SLC6A12: variants seen among roughly 807,000 people sequenced by gnomAD.
The protein encoded by SLC6A12 is solute carrier family 6 member 12, also known as sodium- and chloride-dependent betaine transporter.
SLC6A12 carries 50 observed loss-of-function variants against 73.3 expected under a neutral mutation model. That is an observed-to-expected ratio of 0.68 (90% confidence interval 0.54 to 0.86). The LOEUF is 0.86. Among genes scored for constraint, SLC6A12 ranks in the 40% least tolerant of loss-of-function variants. SLC6A12 has a pLI of 0.00. For missense variants in SLC6A12, 648 were observed against 772.8 expected (o/e 0.84, Z 1.92); for synonymous variants, 304 against 309.2 (o/e 0.98, Z 0.18).
chr12:187,483 C>T (rs532736574), downstream of SLC6A12, among the ~76,000 whole-genome samples: 27 of 151,428 alleles, frequency 1.8e-4, no homozygotes, highest in African/African-American at 3.4e-4. Flanking sequence ...TCAGTGGTCT[C>T]GCTGGTTTCA....
chr12:197,349 AG>A, intron 10 of SLC6A12, 27 bp downstream of exon 10: 2 of 1,601,034 alleles, frequency 1.2e-6, no homozygotes, highest in Non-Finnish European at 1.7e-6. Context: ...CCTTCCCCTC[AG>A]GCCCCAGACA....
downstream of SLC6A12, among the ~76,000 whole-genome samples, chr12:188,725 A>G (rs1022800729): frequency 6.6e-6 from 1 of 152,104 alleles, no homozygotes; most frequent in African/African-American, 2.4e-5. Flanking sequence ...ACACACAGGC[A>G]CACACACACA....
rs769761597 is a variant in SLC6A12 at position 201,782 on chromosome 12, T to C, written c.558A>G (p.Ser186=). The C allele has an allele frequency of 1.2e-6, 2 of 1,613,822 alleles. No individual in the cohort carries two copies. Among genetic ancestry groups the C allele is most frequent in the Non-Finnish European group, 1.7e-6 (2 of 1,179,876 alleles). ...GTVTPFENFT[S]PVMEFWERRV... ...CCTACTCCCAGAATTCCATGACAGG[T>C]GAGGTAAAATTCTCAAATGGGGTCA... Residue 186 remains serine (S), a synonymous_variant, in exon 6 of 16, where the codon TCA becomes TCG. Transcript: ENST00000684302.
In SLC6A12 at chr12:193,301, G is replaced by A. The variant is rs1332565157; in HGVS notation, c.1506C>T (p.Leu502=). The A allele has an allele frequency of 6.2e-7, 1 of 1,613,864 alleles. No homozygotes were observed. The highest frequency in any genetic ancestry group is 1.3e-5 in the African/African-American group (1 of 75,032). ...RPWPLVKISW[L]FLTPGLCLAT... is the part of the protein sequence containing the mutation. ...CCAGGCAAAGTCCAGGGGTCAGGAAGAGCCAGGAGATCTTCACCAGGGGCC... is the reference window on the plus strand; with the variant it reads ...CCAGGCAAAGTCCAGGGGTCAGGAAAAGCCAGGAGATCTTCACCAGGGGCC... Residue 502 remains leucine, a synonymous_variant, in exon 14 of 16, where the codon CTC becomes CTT. Coordinates refer to ENST00000684302, the MANE Select transcript of SLC6A12 (RefSeq NM_001122848.3).
At chr12:186,237 C>T (rs751509104), downstream of SLC6A12, among the ~76,000 whole-genome samples, 56 of 152,168 alleles carry the variant, frequency 3.7e-4, 1 homozygote, top group Non-Finnish European at 6.9e-4. Flanking sequence ...CACCCACAGG[C>T]CACAGTGCAC....
Position 210,094 on chromosome 12 carries a change from C to T in SLC6A12, c.-57-51G>A. ...GTAAAACCCGACATGCTCCCGCCAG[C>T]CCTGCTTTCCCATCCCGATCTCCGC... On this transcript the variant is annotated intron_variant, in intron 2 of 15. Transcript: ENST00000684302. The T allele has an allele frequency of 2.0e-6, 3 of 1,489,038 alleles. No individual in the cohort carries two copies. In the South Asian group the frequency reaches 4.0e-5, roughly 20 times the overall value. 92.2% of individuals were successfully genotyped at this position (1,489,038 alleles called of 1,614,324 possible). A position where few individuals can be genotyped will look rare whatever the true frequency, so the allele number is the denominator to read the frequency against.
chr12:202,669 T>G, intron 5 of SLC6A12, 71 bp downstream of exon 5: 1 of 1,506,162 alleles, frequency 6.6e-7, no homozygotes, highest in Non-Finnish European at 9.1e-7. Flanking sequence ...TCCCCGTCGT[T>G]GCTTGGATTC....
chr12:187,821 T>C (rs140921694), downstream of SLC6A12, among the ~76,000 whole-genome samples: 30 of 152,146 alleles, frequency 2.0e-4, 1 homozygote, highest in East Asian at 5.2e-3. Context: ...TTTTGATTGG[T>C]GTGTTTACAA....
chr12:200,938 C>T (rs552835293), intron 6 of SLC6A12, among the ~76,000 whole-genome samples, 155 bp from the exon 7 acceptor site: 1 of 152,334 alleles, frequency 6.6e-6, no homozygotes, highest in East Asian at 1.9e-4. Flanking sequence ...GGCCATGTTC[C>T]CGTAGACCAA....
At chr12:200,397 T>A (rs216240) in intron 7 of SLC6A12, among the ~76,000 whole-genome samples, 1 of 148,176 alleles carries the variant, frequency 6.7e-6, no homozygotes, top group African/African-American at 2.4e-5. Flanking sequence ...CGTGAGCCAC[T>A]GCACCCGGCA....
intron 4 of SLC6A12, 23 bp from the exon 5 acceptor site, chr12:202,903 G>A (rs1388515658): frequency 6.2e-7 from 1 of 1,612,470 alleles, no homozygotes; most frequent in Admixed American, 1.7e-5. Flanking sequence ...GGGAGAGATG[G>A]GGAGGGACAA....
intron 13 of SLC6A12, 127 bp from the exon 14 acceptor site, chr12:193,504 G>T: frequency 7.8e-6 from 5 of 642,354 alleles, no homozygotes; most frequent in Non-Finnish European, 1.1e-5. Flanking sequence ...AACTGGAACA[G>T]GGCACGTGAG....
rs753383847 is a variant in SLC6A12, at chr12:190,269, G to C, written c.*799C>G. ...CTCATCCATGAAGTCAGGGGTTTGC[G>C]TTAGAAGCAGGATGGCAAATGGTGC... is the stretch of plus-strand genomic sequence containing the variant. On this transcript the variant is annotated 3_prime_UTR_variant, in exon 16 of 16. Transcript: ENST00000684302. 1 of 152,202 alleles carries C rather than the reference G, an allele frequency of 6.6e-6. No individual in the cohort carries two copies. Among genetic ancestry groups the C allele is most frequent in the East Asian group, 1.9e-4 (1 of 5,190 alleles). 9.4% of individuals were successfully genotyped at this position (152,202 alleles called of 1,614,324 possible). A position where few individuals can be genotyped will look rare whatever the true frequency, so the allele number is the denominator to read the frequency against.
At chr12:203,547 G>A (rs999609262) in intron 4 of SLC6A12, 28 of 152,222 alleles carry the variant, frequency 1.8e-4, no homozygotes, top group Admixed American at 1.4e-3. Flanking sequence ...ACCCGCAGAC[G>A]GCAGAGGGTC....
downstream of SLC6A12, among the ~76,000 whole-genome samples, chr12:186,917 C>T (rs1240733752): frequency 6.6e-6 from 1 of 152,286 alleles, no homozygotes; most frequent in East Asian, 1.9e-4. Context: ...TCTGAGGCAC[C>T]AGGACCCCCA....
chr12:185,334 T>C (rs565352826), downstream of SLC6A12, among the ~76,000 whole-genome samples: 1 of 152,350 alleles, frequency 6.6e-6, no homozygotes, highest in South Asian at 2.1e-4. Flanking sequence ...GGACCCACTC[T>C]GGCTACCTTT....
intron 6 of SLC6A12, chr12:201,078 C>T (rs1398830805): frequency 3.4e-6 from 1 of 292,662 alleles, no homozygotes; most frequent in Non-Finnish European, 6.3e-6. Context: ...GATATTTATA[C>T]ATGCAGGTTG....
downstream of SLC6A12, among the ~76,000 whole-genome samples, chr12:186,754 T>C (rs577859690): frequency 1.3e-5 from 2 of 152,340 alleles, no homozygotes; most frequent in South Asian, 2.1e-4. Flanking sequence ...GAGATGTAGC[T>C]CTGAAATTAG....
In SLC6A12 at chr12:210,024, A is replaced by G; in HGVS notation, c.-38T>C. On this transcript the variant is annotated 5_prime_UTR_variant, in exon 3 of 16. Coordinates refer to ENST00000684302, the MANE Select transcript of SLC6A12 (RefSeq NM_001122848.3). ...GGTTGGGAAGCCCCGCTGGGTGGGC[A>G]GGATGACGAGGGCCAAAGCCTGGTG... 2 of 1,608,356 alleles carry G rather than the reference A, an allele frequency of 1.2e-6. No individual in the cohort carries two copies. The highest frequency in any genetic ancestry group is 1.7e-6 in the Non-Finnish European group (2 of 1,175,842).
Sources: gnomAD v4.1 joint callset for allele counts (sites outside exome capture counted in the v4.1 genomes callset) on GRCh38, gnomAD v4.1.1 for gene constraint, MANE v1.5 for transcripts, NCBI Gene and HGNC (gene_info 2026-07-23, HGNC 2026-07-21) for gene names.